The following FYTTD1 variants were observed in gnomAD, a reference collection of about 807,000 sequenced individuals.
FYTTD1 encodes the protein forty-two-three domain containing 1, also known as UAP56-interacting factor.
In FYTTD1, 22 loss-of-function variants were observed where a neutral mutation model predicts 40.9. That is an observed-to-expected ratio of 0.54 (90% confidence interval 0.38 to 0.77). The LOEUF (loss-of-function observed/expected upper bound fraction) is 0.77. FYTTD1 is among the 30% of genes least tolerant of loss of function. The pLI is 0.00. For missense variants in FYTTD1, 351 were observed against 392.2 expected (o/e 0.90, Z 0.89); for synonymous variants, 140 against 137.9 (o/e 1.01, Z -0.10).
At chr3:197,771,634 G>A (rs908668673) in intron 4 of FYTTD1, among the ~76,000 whole-genome samples, 3 of 151,692 alleles carry the variant, frequency 2.0e-5, no homozygotes, top group East Asian at 1.9e-4. Context: ...AAAATTAGCC[G>A]GGCGTGGTGG....
At chr3:197,767,240 G>A (rs1364123730) in intron 2 of FYTTD1, among the ~76,000 whole-genome samples, 3 of 151,938 alleles carry the variant, frequency 2.0e-5, no homozygotes, top group South Asian at 2.1e-4. Context: ...CCCAGTTCAC[G>A]CCATTCTCCT....
Position 197,773,039 on chromosome 3 carries a change from C to G in FYTTD1, c.498-364C>G, listed in dbSNP as rs181140690. Among the ~76,000 whole-genome samples the G allele has an allele frequency of 1.1e-4, 16 of 152,150 alleles. No homozygotes were observed. The East Asian group carries it at 3.1e-3, about 29-fold the overall frequency. On this transcript the variant is annotated intron_variant, in intron 4 of 8. Coordinates refer to ENST00000241502, the MANE Select transcript of FYTTD1 (RefSeq NM_032288.7). ...GTTTATTTTACGTCTTCAGTTTGGCCTATGTGTGGTTTTTCTTTGTACTAA... is the reference window on the plus strand; with the variant it reads ...GTTTATTTTACGTCTTCAGTTTGGCGTATGTGTGGTTTTTCTTTGTACTAA...
chr3:197,750,686 C>T (rs1332894631), intron 1 of FYTTD1: 1 of 985,356 alleles, frequency 1.0e-6, no homozygotes, highest in African/African-American at 1.7e-5. Flanking sequence ...CGCTCGGCCG[C>T]CTGTGGGATG....
At chr3:197,749,817 T>C (rs1032187346), upstream of FYTTD1, 6 of 480,124 alleles carry the variant, frequency 1.2e-5, no homozygotes, top group African/African-American at 8.3e-5. Context: ...CGAGTGTCGG[T>C]GGCCCCGCCC....
At chr3:197,757,418 CATAAAA>C (rs1207660630) in intron 2 of FYTTD1, among the ~76,000 whole-genome samples, 4 of 152,098 alleles carry the variant, frequency 2.6e-5, no homozygotes, top group African/African-American at 7.2e-5. Flanking sequence ...TGTTGAAAAA[CATAAAA>C]ATAATCTCCA....
intron 7 of FYTTD1, among the ~76,000 whole-genome samples, chr3:197,777,378 T>C (rs866136820): frequency 2.6e-5 from 4 of 152,122 alleles, no homozygotes; most frequent in Admixed American, 2.0e-4. Context: ...TGCCTCAGCC[T>C]CCCGAGTCCT....
In FYTTD1 at chr3:197,783,437, C is replaced by T. The variant is rs991338052; in HGVS notation, c.*1528C>T. On this transcript the variant is annotated 3_prime_UTR_variant, in exon 9 of 9. Coordinates refer to ENST00000241502, the MANE Select transcript of FYTTD1 (RefSeq NM_032288.7). ...CTTGAGTTGCTTCATGGTTTATGCTCGCCATGGAAAGCTATCAGTAACAGT... is the reference window on the plus strand; with the variant it reads ...CTTGAGTTGCTTCATGGTTTATGCTTGCCATGGAAAGCTATCAGTAACAGT... The T allele has an allele frequency of 5.2e-5, 8 of 152,472 alleles. No homozygotes were observed. The highest frequency in any genetic ancestry group is 7.4e-5 in the Non-Finnish European group (5 of 68,026). The allele number at this position is 152,472 out of a possible 1,614,324, so 9.4% of individuals were successfully genotyped here. A position where few individuals can be genotyped will look rare whatever the true frequency, so the allele number is the denominator to read the frequency against.
chr3:197,778,236 C>T, intron 7 of FYTTD1, 102 bp from the exon 8 acceptor site: 1 of 821,648 alleles, frequency 1.2e-6, no homozygotes, highest in Non-Finnish European at 1.8e-6. Context: ...TAAAATGGCC[C>T]TAATACATTT....
upstream of FYTTD1, chr3:197,749,838 C>A (rs1313928333): frequency 1.9e-6 from 1 of 527,366 alleles, no homozygotes; most frequent in Non-Finnish European, 3.1e-6. Flanking sequence ...CGCCCGCAGC[C>A]GCGGGTGGAG....
At chr3:197,756,358 G>A in intron 1 of FYTTD1, 68 bp from the exon 2 acceptor site, 1 of 1,132,726 alleles carries the variant, frequency 8.8e-7, no homozygotes, top group Non-Finnish European at 1.3e-6. Flanking sequence ...ACATCTATCA[G>A]CTAGAAAACG....
intron 7 of FYTTD1, among the ~76,000 whole-genome samples, chr3:197,777,266 CT>C (rs1287671973): frequency 6.6e-6 from 1 of 152,002 alleles, no homozygotes; most frequent in Non-Finnish European, 1.5e-5. Flanking sequence ...TCTGTGTACC[CT>C]TTTTTTGGAG....
chr3:197,757,867 TTAACTG>T (rs1387961971), intron 2 of FYTTD1, among the ~76,000 whole-genome samples: 4 of 152,254 alleles, frequency 2.6e-5, no homozygotes, highest in Non-Finnish European at 1.5e-5. Context: ...TGACAGGTAT[TTAACTG>T]TAGCAAATGA....
chr3:197,779,117 C>A (rs1729953234), intron 8 of FYTTD1, among the ~76,000 whole-genome samples: 1 of 152,080 alleles, frequency 6.6e-6, no homozygotes, highest in African/African-American at 2.4e-5. Flanking sequence ...AGGTTAATAA[C>A]AAAATTGTCA....
chr3:197,754,283 T>G (rs960758517), intron 1 of FYTTD1, among the ~76,000 whole-genome samples: 1 of 152,160 alleles, frequency 6.6e-6, no homozygotes, highest in African/African-American at 2.4e-5. Context: ...ACCTTTTAAT[T>G]TTTTACAAAA....
In FYTTD1 at chr3:197,770,236, A is replaced by C; in HGVS notation, c.489A>C (p.Leu163=). 2.5e-6 allele frequency: 4 copies of C among 1,595,522 alleles called. No homozygotes were observed. Among genetic ancestry groups the C allele is most frequent in the Non-Finnish European group, 3.4e-6 (4 of 1,165,208 alleles). Residue 163 remains leucine, a synonymous_variant, in exon 4 of 9, where the codon CTA becomes CTC. Transcript: ENST00000241502. Reference sequence around the variant, plus strand: ...CAGTTCTCAAGAGACCTAGCCAGCTAAGCAGAAAGTAAGTGCTCAAAAATA... The same window carrying C: ...CAGTTCTCAAGAGACCTAGCCAGCTCAGCAGAAAGTAAGTGCTCAAAAATA... ...PVAVLKRPSQ[L]SRKNNIPANF... is the part of the protein sequence containing the mutation.
chr3:197,778,707 T>C (rs2109055056), intron 8 of FYTTD1, among the ~76,000 whole-genome samples: 1 of 152,324 alleles, frequency 6.6e-6, no homozygotes, highest in South Asian at 2.1e-4. Context: ...TCATCTATAT[T>C]GTATGCGTGT....
chr3:197,777,515 A>T (rs1729910249), intron 7 of FYTTD1, among the ~76,000 whole-genome samples: 1 of 152,174 alleles, frequency 6.6e-6, no homozygotes. Context: ...CTAAGGTTAC[A>T]GGTGTGAGCC....
At chr3:197,763,381 T>A in intron 2 of FYTTD1, 1 of 308,396 alleles carries the variant, frequency 3.2e-6, no homozygotes, top group African/African-American at 2.3e-5. Context: ...ACCATTGCAC[T>A]CCAGCCTGGG....
At chr3:197,772,514 C>T (rs1382670170) in intron 4 of FYTTD1, among the ~76,000 whole-genome samples, 5 of 152,052 alleles carry the variant, frequency 3.3e-5, no homozygotes, top group Non-Finnish European at 7.4e-5. Flanking sequence ...CAGCACGTGT[C>T]TCAGAACTTA....
Sources: allele counts gnomAD v4.1 joint callset (sites outside exome capture counted in the v4.1 genomes callset), GRCh38; gene constraint gnomAD v4.1.1; transcripts MANE v1.5; gene names NCBI Gene and HGNC (gene_info 2026-07-23, HGNC 2026-07-21).